The following RFX3 variants were observed in gnomAD, a reference collection of about 807,000 sequenced individuals.
RFX3 encodes the protein regulatory factor X3, also known as transcription factor RFX3.
Under a neutral mutation model 98.6 loss-of-function variants are expected in RFX3, and 14 were observed. That is an observed-to-expected ratio of 0.14 (90% CI 0.09 to 0.22). The LOEUF (loss-of-function observed/expected upper bound fraction) is 0.22, where lower values mean the gene tolerates loss of function less well. RFX3 is among the 10% of genes least tolerant of loss of function. RFX3 has a pLI of 1.00. For missense variants in RFX3, 639 were observed against 926.9 expected (o/e 0.69, Z 4.03); for synonymous variants, 383 against 328.4 (o/e 1.17, Z -1.80).
chr9:3,404,084 CTAA>C (rs1381575096), intron 1 of RFX3, among the ~76,000 whole-genome samples: 1 of 152,050 alleles, frequency 6.6e-6, no homozygotes, highest in Non-Finnish European at 1.5e-5. Context: ...AATAACATTG[CTAA>C]TAATAGAAAC....
intron 1 of RFX3, among the ~76,000 whole-genome samples, chr9:3,487,055 T>G (rs1417466092): frequency 6.6e-6 from 1 of 152,130 alleles, no homozygotes; most frequent in Non-Finnish European, 1.5e-5. Context: ...AGCCTCTCCC[T>G]GTGTTGCCCA....
At chr9:3,401,489 G>A (rs1841468306) in intron 1 of RFX3, among the ~76,000 whole-genome samples, 2 of 152,186 alleles carry the variant, frequency 1.3e-5, no homozygotes, top group Admixed American at 1.3e-4. Context: ...ATGTTTGGGA[G>A]TAATTTGGTT....
chr9:3,269,427 G>A (rs1824083816), intron 11 of RFX3, among the ~76,000 whole-genome samples: 1 of 151,988 alleles, frequency 6.6e-6, no homozygotes, highest in South Asian at 2.1e-4. Flanking sequence ...TATACTTGAA[G>A]TACACAGTAG....
At chr9:3,264,483 T>G (rs1823357268) in intron 12 of RFX3, among the ~76,000 whole-genome samples, 1 of 152,086 alleles carries the variant, frequency 6.6e-6, no homozygotes, top group Non-Finnish European at 1.5e-5. Flanking sequence ...AGCTCATACG[T>G]CCTCAAAAAA....
At chr9:3,466,807 A>C (rs1417023872) in intron 1 of RFX3, among the ~76,000 whole-genome samples, 1 of 151,918 alleles carries the variant, frequency 6.6e-6, no homozygotes, top group African/African-American at 2.4e-5. Context: ...ATTAGATCAA[A>C]CATTTTATAA....
intron 14 of RFX3, among the ~76,000 whole-genome samples, chr9:3,254,111 G>A (rs1193513675): frequency 1.3e-5 from 2 of 152,088 alleles, no homozygotes; most frequent in African/African-American, 4.8e-5. Flanking sequence ...AACTCAGGGA[G>A]GACAGAGGGC....
At chr9:3,318,888 A>C (rs1015672951) in intron 4 of RFX3, among the ~76,000 whole-genome samples, 1 of 152,188 alleles carries the variant, frequency 6.6e-6, no homozygotes, top group Non-Finnish European at 1.5e-5. Flanking sequence ...CTGGGTTGAA[A>C]TCAAGATTGT....
In RFX3 at chr9:3,446,926, C is replaced by G. The variant is rs572079710; in HGVS notation, c.-8-51330G>C. Among the ~76,000 whole-genome samples the G allele has an allele frequency of 2.7e-4, 41 of 152,076 alleles. No homozygotes were observed. In the South Asian group the frequency reaches 8.5e-3, roughly 32 times the overall value. On this transcript the variant is annotated intron_variant, in intron 1 of 16. Transcript: ENST00000617270. ...ATGGAACTTAAAAAAAATCAAGAAG[C>G]TTTGAGAACAATTCTCAGCTAATGG...
chr9:3,246,952 A>T, intron 15 of RFX3: 6 of 571,108 alleles, frequency 1.1e-5, no homozygotes, highest in South Asian at 7.9e-5. Context: ...TATTTATACT[A>T]GAATATTAGG....
At chr9:3,393,088 G>C (rs1840483983) in intron 2 of RFX3, among the ~76,000 whole-genome samples, 1 of 151,984 alleles carries the variant, frequency 6.6e-6, no homozygotes, top group Non-Finnish European at 1.5e-5. Context: ...TGTGTGTGTT[G>C]TGTTAGGGAC....
intron 1 of RFX3, among the ~76,000 whole-genome samples, chr9:3,505,252 GAATATATATTTATATATATATGAATATA>G (rs1816865412): frequency 1.6e-5 from 1 of 62,858 alleles, no homozygotes; most frequent in African/African-American, 1.1e-4. Context: ...ATATATATAT[GAATATATATTTATATATATATGAATATA>G]TACATTTTTA....
At chr9:3,304,890 G>T (rs1160255977) in intron 4 of RFX3, among the ~76,000 whole-genome samples, 1 of 152,064 alleles carries the variant, frequency 6.6e-6, no homozygotes, top group Non-Finnish European at 1.5e-5. Context: ...AGTTCAGAAA[G>T]GTGGAAGAAA....
At chr9:3,420,025 G>A (rs550879963) in intron 1 of RFX3, among the ~76,000 whole-genome samples, 5 of 152,270 alleles carry the variant, frequency 3.3e-5, no homozygotes, top group African/African-American at 1.2e-4. Context: ...ATCGTCGCAC[G>A]TGAAGGCACA....
chr9:3,339,786 A>G (rs1046676923), intron 3 of RFX3, among the ~76,000 whole-genome samples: 1 of 152,180 alleles, frequency 6.6e-6, no homozygotes, highest in Admixed American at 6.5e-5. Flanking sequence ...TTCCATGCTC[A>G]TGGGTAGGAA....
chr9:3,438,205 G>A (rs1587677519), intron 1 of RFX3, among the ~76,000 whole-genome samples: 2 of 152,156 alleles, frequency 1.3e-5, no homozygotes, highest in Non-Finnish European at 2.9e-5. Context: ...CAACTACAAT[G>A]TTCATATACT....
In RFX3 at chr9:3,223,509, T is replaced by C. The variant is rs963943686; in HGVS notation, c.*1533A>G. 3 of 152,232 alleles carry C rather than the reference T, an allele frequency of 2.0e-5. No individual in the cohort carries two copies. The highest frequency in any genetic ancestry group is 2.9e-5 in the Non-Finnish European group (2 of 68,046). The allele number at this position is 152,232 out of a possible 1,614,324, so 9.4% of individuals were successfully genotyped here. A position where few individuals can be genotyped will look rare whatever the true frequency, so the allele number is the denominator to read the frequency against. Reference sequence around the variant, plus strand: ...AAATAAGAATGGTCTAAAACATATATGATTTTATGTTAACAAGTTGGTATT... The same window carrying C: ...AAATAAGAATGGTCTAAAACATATACGATTTTATGTTAACAAGTTGGTATT... On this transcript the variant is annotated 3_prime_UTR_variant, in exon 17 of 17. Transcript: ENST00000617270.
intron 1 of RFX3, among the ~76,000 whole-genome samples, chr9:3,471,204 G>A (rs1587787277): frequency 6.6e-6 from 1 of 152,084 alleles, no homozygotes; most frequent in South Asian, 2.1e-4. Flanking sequence ...TATATTAGAT[G>A]CTGCCATAAT....
At chr9:3,264,388 T>C (rs910010734) in intron 12 of RFX3, among the ~76,000 whole-genome samples, 1 of 152,120 alleles carries the variant, frequency 6.6e-6, no homozygotes, top group African/African-American at 2.4e-5. Flanking sequence ...GAATGATCAA[T>C]TGGGAGCGGT....
intron 2 of RFX3, 108 bp downstream of exon 2, chr9:3,395,364 C>G: frequency 8.1e-7 from 1 of 1,237,482 alleles, no homozygotes. Flanking sequence ...CTGAAGTATG[C>G]CTATCATAGC....
Sources: allele counts gnomAD v4.1 joint callset (sites outside exome capture counted in the v4.1 genomes callset), GRCh38; gene constraint gnomAD v4.1.1; transcripts MANE v1.5; gene names NCBI Gene and HGNC (gene_info 2026-07-23, HGNC 2026-07-21).